GALNTL6: variants seen among roughly 807,000 people sequenced by gnomAD.
GALNTL6 encodes the protein polypeptide N-acetylgalactosaminyltransferase like 6.
GALNTL6 carries 46 observed loss-of-function variants against 73.7 expected under a neutral mutation model. That is an observed-to-expected ratio of 0.62 (90% CI 0.49 to 0.80). The LOEUF (loss-of-function observed/expected upper bound fraction) is 0.80. Among genes scored for constraint, GALNTL6 ranks in the 30% least tolerant of loss-of-function variants. GALNTL6 has a pLI of 0.00. For missense variants in GALNTL6, 604 were observed against 755.0 expected (o/e 0.80, Z 2.34); for synonymous variants, 259 against 263.7 (o/e 0.98, Z 0.17).
chr4:172,345,520 G>T (rs976249589), intron 4 of GALNTL6, among the ~76,000 whole-genome samples: 27 of 152,270 alleles, frequency 1.8e-4, no homozygotes, highest in African/African-American at 6.5e-4. Context: ...TTATTTAAAA[G>T]TATTTCCAAG....
At chr4:172,425,008 T>C (rs557499746) in intron 5 of GALNTL6, among the ~76,000 whole-genome samples, 1 of 152,238 alleles carries the variant, frequency 6.6e-6, no homozygotes, top group African/African-American at 2.4e-5. Flanking sequence ...TATTATGAGC[T>C]TTATTGCATC....
intron 5 of GALNTL6, among the ~76,000 whole-genome samples, chr4:172,696,464 A>G (rs1276616061): frequency 1.3e-5 from 2 of 152,116 alleles, no homozygotes; most frequent in African/African-American, 4.8e-5. Context: ...TGGTTTGACT[A>G]TGTCCCCCAC....
chr4:172,447,187 T>A (rs1732052684), intron 5 of GALNTL6, among the ~76,000 whole-genome samples: 1 of 151,682 alleles, frequency 6.6e-6, no homozygotes, highest in African/African-American at 2.4e-5. Flanking sequence ...AGGAAAAGAG[T>A]CTCCAGAAGA....
At chr4:172,799,791 A>G (rs1000760846) in intron 5 of GALNTL6, among the ~76,000 whole-genome samples, 3 of 152,214 alleles carry the variant, frequency 2.0e-5, no homozygotes, top group Non-Finnish European at 2.9e-5. Context: ...AACTGAAAGC[A>G]ATCTCTTGAA....
intron 3 of GALNTL6, among the ~76,000 whole-genome samples, chr4:172,230,609 C>G (rs1289188094): frequency 6.6e-6 from 1 of 151,678 alleles, no homozygotes; most frequent in East Asian, 1.9e-4. Flanking sequence ...AAGAATAAGT[C>G]TTTCTAGAAG....
At chr4:172,417,442 G>A (rs543011863) in intron 5 of GALNTL6, among the ~76,000 whole-genome samples, 325 of 152,066 alleles carry the variant, frequency 2.1e-3, no homozygotes, top group Non-Finnish European at 3.5e-3. Flanking sequence ...CTTCCTCTGG[G>A]AGTTCGGGAC....
At chr4:172,706,568 C>T (rs1232745939) in intron 5 of GALNTL6, among the ~76,000 whole-genome samples, 2 of 152,036 alleles carry the variant, frequency 1.3e-5, no homozygotes, top group African/African-American at 4.8e-5. Flanking sequence ...CTAGTCTTTG[C>T]TTTTGCCTTG....
At chr4:172,004,001 T>C (rs1470725045) in intron 2 of GALNTL6, among the ~76,000 whole-genome samples, 1 of 152,136 alleles carries the variant, frequency 6.6e-6, no homozygotes, top group African/African-American at 2.4e-5. Context: ...AGAATATGAA[T>C]CAAGTTTTCA....
rs199897976 is a variant in GALNTL6, at chr4:171,962,641, AC to A, written c.138+147927del. Among the ~76,000 whole-genome samples, 1,197 of 151,544 alleles carry A rather than the reference AC, an allele frequency of 7.9e-3. 18 individuals carry two copies. Among genetic ancestry groups the A allele is most frequent in the East Asian group, 0.057 (295 of 5,144 alleles). On this transcript the variant is annotated intron_variant, in intron 2 of 12. Coordinates refer to ENST00000506823, the MANE Select transcript of GALNTL6 (RefSeq NM_001034845.3). ...TTCCTGGAAAACTCATGAATAATCC[AC>A]CCCTTGTTTACCAAATAATCAAGAA...
intron 5 of GALNTL6, among the ~76,000 whole-genome samples, chr4:172,497,621 G>C (rs911413881): frequency 2.0e-5 from 3 of 152,222 alleles, no homozygotes; most frequent in Non-Finnish European, 4.4e-5. Flanking sequence ...AGCAGATGTA[G>C]TATTGGGCTT....
chr4:171,989,539 C>T lies in GALNTL6; in HGVS notation c.138+174821C>T, dbSNP rs372171395. ...GTTCTGGAGGAACCCCTGGCAGCTG[C>T]GGTTCAGGTGTTTGGAGTTCTTGTG... On this transcript the variant is annotated intron_variant, in intron 2 of 12. Transcript: ENST00000506823. Among the ~76,000 whole-genome samples the T allele has an allele frequency of 5.3e-5, 8 of 152,208 alleles. No individual in the cohort carries two copies. The South Asian group carries it at 6.2e-4, about 12-fold the overall frequency.
intron 11 of GALNTL6, among the ~76,000 whole-genome samples, chr4:173,012,778 T>G (rs1302288249): frequency 6.6e-6 from 1 of 152,216 alleles, no homozygotes; most frequent in Non-Finnish European, 1.5e-5. Flanking sequence ...CCAAGGCAGC[T>G]GGGACTTTGG....
intron 2 of GALNTL6, among the ~76,000 whole-genome samples, chr4:171,870,624 C>T (rs1244702626): frequency 1.3e-5 from 2 of 152,096 alleles, no homozygotes; most frequent in African/African-American, 4.8e-5. Context: ...AACCCTGGTG[C>T]CTCAGAATGT....
chr4:171,867,966 T>C (rs1386025388), intron 2 of GALNTL6, among the ~76,000 whole-genome samples: 1 of 149,722 alleles, frequency 6.7e-6, no homozygotes, highest in Non-Finnish European at 1.5e-5. Flanking sequence ...GGTTTAAATC[T>C]AGAAATCTTT....
chr4:172,985,410 T>A (rs868406521), intron 10 of GALNTL6, among the ~76,000 whole-genome samples: 3 of 152,154 alleles, frequency 2.0e-5, no homozygotes, highest in Middle Eastern at 3.4e-3. Flanking sequence ...TTTAACATTT[T>A]TTCTTTATTT....
intron 2 of GALNTL6, among the ~76,000 whole-genome samples, chr4:171,833,275 A>T (rs889944666): frequency 5.3e-5 from 8 of 151,650 alleles, no homozygotes; most frequent in African/African-American, 1.9e-4. Context: ...ATGAATTTAT[A>T]TTTTATTATA....
intron 2 of GALNTL6, among the ~76,000 whole-genome samples, chr4:171,820,317 C>A (rs895670592): frequency 6.6e-6 from 1 of 152,088 alleles, no homozygotes; most frequent in African/African-American, 2.4e-5. Flanking sequence ...ATGATGAATT[C>A]AAGGTAAAGC....
intron 5 of GALNTL6, among the ~76,000 whole-genome samples, chr4:172,496,391 T>C (rs1393884841): frequency 6.6e-6 from 1 of 152,168 alleles, no homozygotes. Flanking sequence ...TAAATTTTAT[T>C]AATAAATTAT....
intron 3 of GALNTL6, among the ~76,000 whole-genome samples, chr4:172,264,044 A>AT (rs1316920982): frequency 6.7e-6 from 1 of 150,356 alleles, no homozygotes; most frequent in Non-Finnish European, 1.5e-5. Context: ...TTTTTATGTT[A>AT]TTTTTTGGCA....
Sources: gnomAD v4.1 joint callset for allele counts (sites outside exome capture counted in the v4.1 genomes callset) on GRCh38, gnomAD v4.1.1 for gene constraint, MANE v1.5 for transcripts, NCBI Gene and HGNC (gene_info 2026-07-23, HGNC 2026-07-21) for gene names.